Variants in PIK3C2B observed in about 807,000 individuals in gnomAD.
The protein encoded by PIK3C2B is phosphatidylinositol-4-phosphate 3-kinase catalytic subunit type 2 beta, also known as phosphatidylinositol 4-phosphate 3-kinase C2 domain-containing subunit beta.
A neutral mutation model predicts 184.3 loss-of-function variants in PIK3C2B; 83 were observed. The ratio of observed to expected loss-of-function variants is 0.45; its 90% CI spans 0.38 to 0.54. The LOEUF is 0.54. PIK3C2B is among the 20% of genes least tolerant of loss of function. The pLI is 0.00. For missense variants in PIK3C2B, 1,736 were observed against 2,113.5 expected (o/e 0.82, Z 3.50); for synonymous variants, 779 against 837.6 (o/e 0.93, Z 1.21).
intron 18 of PIK3C2B, among the ~76,000 whole-genome samples, chr1:204,443,822 A>T (rs1234454452): frequency 6.6e-6 from 1 of 152,198 alleles, no homozygotes; most frequent in Non-Finnish European, 1.5e-5. Context: ...GCCCCTCTGC[A>T]TCTTGTTTCT....
At chr1:204,458,083 GC>G (rs1259426922) in intron 8 of PIK3C2B, among the ~76,000 whole-genome samples, 1 of 152,184 alleles carries the variant, frequency 6.6e-6, no homozygotes, top group Non-Finnish European at 1.5e-5. Flanking sequence ...ATGCCCACAT[GC>G]CCCAATTCTT....
In PIK3C2B at chr1:204,422,708, A is replaced by G. The variant is rs1674557935; in HGVS notation, c.*2144T>C. On this transcript the variant is annotated 3_prime_UTR_variant, in exon 33 of 33. Transcript: ENST00000684373. ...ATACAAGGGATTCTGGGAAGTGGGA[A>G]GTAAACAGTACACAGATCTCTTTAA... is the stretch of plus-strand genomic sequence containing the variant. The G allele has an allele frequency of 6.6e-6, 1 of 152,636 alleles. No homozygotes were observed. The highest frequency in any genetic ancestry group is 2.1e-4 in the South Asian group (1 of 4,830). 9.5% of individuals were successfully genotyped at this position (152,636 alleles called of 1,614,324 possible). A position where few individuals can be genotyped will look rare whatever the true frequency, so the allele number is the denominator to read the frequency against.
rs764777966 is a variant in PIK3C2B at position 204,460,556 on chromosome 1, G to A, written c.1416C>T (p.Ala472=). Residue 472 remains alanine (A), a synonymous_variant, in exon 6 of 33, where the codon GCC becomes GCT. Coordinates refer to ENST00000684373, the MANE Select transcript of PIK3C2B (RefSeq NM_001377334.1). ...CCACCACCCTCACACGAACCGTCCG[G>A]GCCAGGTCACTGCGCACAACCTTCT... ...MEQKVVRSDL[A]RTVNDDQSPS... 2.5e-6 allele frequency: 4 copies of A among 1,613,288 alleles called. No homozygotes were observed. The highest frequency in any genetic ancestry group is 2.5e-6 in the Non-Finnish European group (3 of 1,179,388).
intron 1 of PIK3C2B, among the ~76,000 whole-genome samples, chr1:204,481,003 T>A (rs1260361968): frequency 6.6e-5 from 10 of 152,114 alleles, no homozygotes; most frequent in African/African-American, 2.4e-4. Context: ...ACAGTCACTC[T>A]TGGGGGCCTG....
At chr1:204,489,502 T>C (rs1308990669) in intron 1 of PIK3C2B, among the ~76,000 whole-genome samples, 2 of 151,042 alleles carry the variant, frequency 1.3e-5, no homozygotes, top group East Asian at 3.9e-4. Flanking sequence ...AAAAAAAATC[T>C]GCCTCCTTAA....
At chr1:204,432,935 A>G (rs1675145197) in intron 26 of PIK3C2B, among the ~76,000 whole-genome samples, 1 of 152,234 alleles carries the variant, frequency 6.6e-6, no homozygotes, top group African/African-American at 2.4e-5. Context: ...ATATGAGGAG[A>G]CTGAATCATG....
chr1:204,457,184 G>A, intron 9 of PIK3C2B, 114 bp from the exon 10 acceptor site: 1 of 798,168 alleles, frequency 1.3e-6, no homozygotes, highest in African/African-American at 1.7e-5. Flanking sequence ...GCTGAAATGT[G>A]AGTAGCTGAG....
At chr1:204,488,303 C>T (rs898627608) in intron 1 of PIK3C2B, among the ~76,000 whole-genome samples, 1 of 152,212 alleles carries the variant, frequency 6.6e-6, no homozygotes, top group Non-Finnish European at 1.5e-5. Context: ...GAACAATCAA[C>T]CAATCATTAA....
intron 32 of PIK3C2B, 88 bp from the exon 33 acceptor site, chr1:204,425,128 G>A: frequency 2.8e-6 from 3 of 1,081,012 alleles, no homozygotes; most frequent in East Asian, 2.6e-5. Context: ...GGTAAAGTCT[G>A]TTGGGGGCTG....
At chr1:204,481,653 G>A (rs1310007401) in intron 1 of PIK3C2B, among the ~76,000 whole-genome samples, 3 of 152,114 alleles carry the variant, frequency 2.0e-5, no homozygotes, top group Non-Finnish European at 2.9e-5. Context: ...GGGCAGCTCC[G>A]GCCCTTCCCC....
chr1:204,465,079 TAGGAAGC>T, intron 3 of PIK3C2B, 133 bp downstream of exon 3: 1 of 659,292 alleles, frequency 1.5e-6, no homozygotes. Context: ...ACACTTGTTG[TAGGAAGC>T]ATTTTCATAG....
At chr1:204,453,836 C>A (rs112444104) in intron 12 of PIK3C2B, among the ~76,000 whole-genome samples, 3 of 151,442 alleles carry the variant, frequency 2.0e-5, no homozygotes, top group African/African-American at 7.3e-5. Context: ...TGCAATGGCA[C>A]GATCTCAGCT....
chr1:204,469,339 GAT>G lies in PIK3C2B; in HGVS notation c.462_463del (p.Ser155ProfsTer33). 3 of 1,529,032 alleles carry G rather than the reference GAT, an allele frequency of 2.0e-6. No individual in the cohort carries two copies. The highest frequency in any genetic ancestry group is 2.6e-6 in the Non-Finnish European group (3 of 1,140,872). The allele number at this position is 1,529,032 out of a possible 1,614,324, so 94.7% of individuals were successfully genotyped here. A position where few individuals can be genotyped will look rare whatever the true frequency, so the allele number is the denominator to read the frequency against. On this transcript the variant is annotated frameshift_variant, in exon 2 of 33. Transcript: ENST00000684373. LOFTEE classifies it high-confidence loss of function. ...AGCTCGGGGAGGCAGAGGAGGTGGG[GAT>G]AGTTTCTTGCAAGAGCCCTCTATGT...
chr1:204,473,977 A>G (rs1011960924), intron 1 of PIK3C2B, among the ~76,000 whole-genome samples: 1 of 103,894 alleles, frequency 9.6e-6, no homozygotes, highest in South Asian at 3.1e-4. Context: ...AACCCTAAAC[A>G]CCTCCCCTTG....
rs1356496401 is a variant in PIK3C2B at position 204,433,455 on chromosome 1, T to C, written c.3844-30A>G. The C allele has an allele frequency of 7.5e-7, 1 of 1,335,666 alleles. No individual in the cohort carries two copies. Among genetic ancestry groups the C allele is most frequent in the Non-Finnish European group, 1.1e-6 (1 of 927,816 alleles). The allele number at this position is 1,335,666 out of a possible 1,614,324, so 82.7% of individuals were successfully genotyped here. A position where few individuals can be genotyped will look rare whatever the true frequency, so the allele number is the denominator to read the frequency against. ...AAGGAGCAGAAAGAAGAAGAGAGGG[T>C]GCCTGTAACAACAGAGAATTCTTGC... On this transcript the variant is annotated intron_variant, in intron 25 of 32. Coordinates refer to ENST00000684373, the MANE Select transcript of PIK3C2B (RefSeq NM_001377334.1). The surrounding 1 kb of genome is among the most constrained non-coding windows in gnomAD (Gnocchi z 5.0).
At chr1:204,488,256 T>A (rs1406590482) in intron 1 of PIK3C2B, among the ~76,000 whole-genome samples, 1 of 152,186 alleles carries the variant, frequency 6.6e-6, no homozygotes, top group Non-Finnish European at 1.5e-5. Flanking sequence ...AATGTAAGAA[T>A]GAATGAGAAG....
At position 204,427,746 on chromosome 1, in the gene PIK3C2B, A is replaced by G. The variant is rs767879626; in HGVS notation, c.4489T>C (p.Trp1497Arg). ...CCCACCTTTCCGACGGGCCGGGCCC[A>G]TGTGCCATCTGTAGGGACAAATGAA... is the stretch of plus-strand genomic sequence containing the variant. Reference protein sequence around the residue: ...SPAPKSSDGTWARPVGKVGGE... With the variant: ...SPAPKSSDGTRARPVGKVGGE... Residue 1497 changes from tryptophan (W) to arginine (R), a missense_variant, in exon 31 of 33, where the codon TGG (tryptophan) becomes CGG (arginine). By Grantham distance (101) the Trp-to-Arg change is moderately radical. Transcript: ENST00000684373. 5 of 1,612,814 alleles carry G rather than the reference A, an allele frequency of 3.1e-6. No individual in the cohort carries two copies. The highest frequency in any genetic ancestry group is 1.3e-5 in the African/African-American group (1 of 74,906).
At chr1:204,474,209 G>T (rs1323657681) in intron 1 of PIK3C2B, among the ~76,000 whole-genome samples, 1 of 151,938 alleles carries the variant, frequency 6.6e-6, no homozygotes, top group Non-Finnish European at 1.5e-5. Context: ...CAGGCTAGTC[G>T]CGAACTCCCG....
chr1:204,494,665 G>A lies in PIK3C2B; in HGVS notation c.-394C>T, dbSNP rs188754853. 289 of 152,588 alleles carry A rather than the reference G, an allele frequency of 1.9e-3. 3 individuals carry two copies. The highest frequency in any genetic ancestry group is 6.6e-3 in the African/African-American group (276 of 41,590). 9.5% of individuals were successfully genotyped at this position (152,588 alleles called of 1,614,324 possible). Reference sequence around the variant, plus strand: ...CGCAGAGTCAGGCCACCCCGGGTGAGACAATAGCGGCAGCAGCGGGCGAGA... The same window carrying A: ...CGCAGAGTCAGGCCACCCCGGGTGAAACAATAGCGGCAGCAGCGGGCGAGA... On this transcript the variant is annotated 5_prime_UTR_variant, in exon 1 of 33. Transcript: ENST00000684373.
Sources: allele counts gnomAD v4.1 joint callset (sites outside exome capture counted in the v4.1 genomes callset), GRCh38; gene constraint gnomAD v4.1.1; non-coding constraint Gnocchi (gnomAD v3.1); transcripts MANE v1.5; gene names NCBI Gene and HGNC (gene_info 2026-07-23, HGNC 2026-07-21).